Variants in SNHG17 observed in about 807,000 individuals in gnomAD.
SNHG17 encodes the protein small nucleolar RNA host gene 17, also known as small nucleolar RNA host gene 17 (non-protein coding).
intron 5 of SNHG17, among the ~76,000 whole-genome samples, chr20:38,424,899 T>C (rs1402100060): frequency 1.3e-5 from 2 of 152,146 alleles, no homozygotes; most frequent in African/African-American, 4.8e-5. Flanking sequence ...AGCACCAGTG[T>C]ATGGTAGATG....
exon 8 of SNHG17, chr20:38,420,603 A>G (rs1365764339): frequency 6.6e-6 from 1 of 152,184 alleles, no homozygotes; most frequent in African/African-American, 2.4e-5. Context: ...CAATTCTGTA[A>G]GGTTTATTGA....
chr20:38,427,236 C>CG (rs2084264744), intron 3 of SNHG17: 1 of 414,514 alleles, frequency 2.4e-6, no homozygotes, highest in African/African-American at 2.1e-5. Context: ...ATGATGCCCC[C>CG]CCGCACTGAC....
intron 2 of SNHG17, among the ~76,000 whole-genome samples, chr20:38,431,678 C>T (rs1227868247): frequency 6.6e-6 from 1 of 152,130 alleles, no homozygotes; most frequent in East Asian, 1.9e-4. Context: ...CTGAAGATCA[C>T]AAAAAGAACC....
chr20:38,427,377 C>T (rs1244696694), intron 3 of SNHG17: 1 of 518,960 alleles, frequency 1.9e-6, no homozygotes, highest in Non-Finnish European at 3.8e-6. Context: ...CCTCTTTCAG[C>T]GTTCCTCTCC....
intron 5 of SNHG17, among the ~76,000 whole-genome samples, chr20:38,423,625 A>C (rs2084196918): frequency 6.6e-6 from 1 of 151,582 alleles, no homozygotes; most frequent in Non-Finnish European, 1.5e-5. Flanking sequence ...GAGCTGAAGG[A>C]AATAGGGAGA....
chr20:38,426,995 T>TACACACACACACACAC lies in SNHG17; in HGVS notation n.381-508_381-493dup, dbSNP rs765781057. Among the ~76,000 whole-genome samples the TACACACACACACACAC allele has an allele frequency of 1.1e-3, 135 of 125,628 alleles. 5 individuals are homozygous for TACACACACACACACAC. The highest frequency in any genetic ancestry group is 3.7e-3 in the African/African-American group (129 of 35,152). 82.4% of individuals were successfully genotyped at this position (125,628 alleles called of 152,430 possible). A position where few individuals can be genotyped will look rare whatever the true frequency, so the allele number is the denominator to read the frequency against. ...CCCTATCCTGTCCCCAAGTTACACA[T>TACACACACACACACAC]ACACACACACACACACACACACACA... On this transcript the variant is annotated intron_variant and non_coding_transcript_variant, in intron 3 of 8. Coordinates refer to ENST00000654008, the Ensembl canonical transcript of SNHG17.
chr20:38,429,619 A>G lies in SNHG17; in HGVS notation n.380+1422T>C, dbSNP rs1600764067. On this transcript the variant is annotated intron_variant and non_coding_transcript_variant, in intron 3 of 8. Coordinates refer to ENST00000654008, the Ensembl canonical transcript of SNHG17. Reference sequence around the variant, plus strand: ...AGGGAGAAGAGCAACACAACCCACTAGATGATGCCAGGCACCAGGAGCCAT... The same window carrying G: ...AGGGAGAAGAGCAACACAACCCACTGGATGATGCCAGGCACCAGGAGCCAT... The G allele has an allele frequency of 6.5e-6, 3 of 462,992 alleles. No individual in the cohort carries two copies. In the East Asian group the frequency reaches 1.9e-4, roughly 29 times the overall value. 28.7% of individuals were successfully genotyped at this position (462,992 alleles called of 1,614,324 possible).
intron 3 of SNHG17, among the ~76,000 whole-genome samples, chr20:38,430,039 G>A (rs1049682020): frequency 2.0e-5 from 3 of 152,234 alleles, no homozygotes; most frequent in African/African-American, 7.2e-5. Context: ...TGGGCTGGCC[G>A]GGTGCAGTGG....
chr20:38,435,285 G>A (rs1057450864), exon 1 of SNHG17: 4 of 1,231,768 alleles, frequency 3.2e-6, no homozygotes, highest in Non-Finnish European at 3.0e-6. Context: ...GATGGGGTGC[G>A]GTGGCGTGCG....
chr20:38,434,641 A>T, intron 1 of SNHG17: 1 of 176,480 alleles, frequency 5.7e-6, no homozygotes, highest in Non-Finnish European at 1.1e-5. Context: ...GCAAGGAAAA[A>T]GCACGGGGAG....
chr20:38,427,367 C>G (rs762154242), intron 3 of SNHG17: 1 of 518,858 alleles, frequency 1.9e-6, no homozygotes. Flanking sequence ...ACGGGGACAA[C>G]CTCTTTCAGC....
At chr20:38,423,176 G>A (rs2084187481) in intron 5 of SNHG17, among the ~76,000 whole-genome samples, 3 of 151,216 alleles carry the variant, frequency 2.0e-5, no homozygotes, top group African/African-American at 4.9e-5. Flanking sequence ...GCAGAAGGAT[G>A]GTTTAAGCCC....
chr20:38,425,010 C>A, intron 5 of SNHG17: 2 of 305,348 alleles, frequency 6.5e-6, no homozygotes, highest in South Asian at 2.7e-5. Flanking sequence ...GATGAGGTGC[C>A]CCCATCCAGC....
intron 4 of SNHG17, chr20:38,426,406 C>CCAGG (rs2122700049): frequency 6.5e-6 from 1 of 153,876 alleles, no homozygotes; most frequent in South Asian, 2.0e-4. Flanking sequence ...AGAGAAGCAC[C>CCAGG]CAGGATTCAT....
intron 3 of SNHG17, chr20:38,429,907 C>G (rs879852253): frequency 2.2e-5 from 10 of 455,202 alleles, no homozygotes; most frequent in Non-Finnish European, 3.8e-5. Flanking sequence ...AGCAGACTTA[C>G]AGCCTAAGAT....
At chr20:38,431,023 G>A (rs2084333848) in intron 3 of SNHG17, 1 of 152,458 alleles carries the variant, frequency 6.6e-6, no homozygotes, top group African/African-American at 2.4e-5. Flanking sequence ...CTAGAGGACT[G>A]AGCAGGACCC....
chr20:38,425,046 C>T (rs2084223370), intron 5 of SNHG17: 1 of 343,670 alleles, frequency 2.9e-6, no homozygotes, highest in African/African-American at 2.1e-5. Context: ...TGCTGACTGC[C>T]CTCAAGTTCC....
chr20:38,433,667 A>C (rs183661978), intron 2 of SNHG17, among the ~76,000 whole-genome samples: 1 of 152,222 alleles, frequency 6.6e-6, no homozygotes, highest in African/African-American at 2.4e-5. Flanking sequence ...AGGCAAAGAC[A>C]ATCAAGCCAG....
chr20:38,435,216 T>C (rs2084411800), exon 1 of SNHG17: 7 of 1,231,766 alleles, frequency 5.7e-6, no homozygotes, highest in Non-Finnish European at 6.1e-6. Flanking sequence ...TGGCGTCGAG[T>C]GGCGGCGGAG....
Sources: allele counts gnomAD v4.1 joint callset (sites outside exome capture counted in the v4.1 genomes callset), GRCh38; gene constraint gnomAD v4.1.1; transcripts MANE v1.5; gene names NCBI Gene and HGNC (gene_info 2026-07-23, HGNC 2026-07-21).